Variants in ANKRD17 observed in about 807,000 individuals in gnomAD.
ANKRD17 encodes ankyrin repeat domain-containing protein 17.
Under a neutral mutation model 229.7 loss-of-function variants are expected in ANKRD17, and 19 were observed. The ratio of observed to expected loss-of-function variants is 0.08; its 90% CI spans 0.06 to 0.12. The LOEUF (loss-of-function observed/expected upper bound fraction) is 0.12, where lower values mean the gene tolerates loss of function less well. Among genes scored for constraint, ANKRD17 ranks in the 10% least tolerant of loss-of-function variants. ANKRD17 has a pLI of 1.00. For synonymous variants in ANKRD17, 1,112 were observed against 1,146.1 expected (o/e 0.97, Z 0.60); for missense variants, 2,176 against 3,176.8 (o/e 0.68, Z 7.57).
In ANKRD17 at chr4:73,118,835, A is replaced by G; in HGVS notation, c.4041T>C (p.Asp1347=). The G allele has an allele frequency of 6.2e-7, 1 of 1,611,112 alleles. No individual in the cohort carries two copies. Among genetic ancestry groups the G allele is most frequent in the Non-Finnish European group, 8.5e-7 (1 of 1,179,600 alleles). ...GAGTGTTCCCCTTCTTGTTACGTAC[A>G]TCAATATGAGCTCCCCTAAAAACCA... ...ELLIGRGAHI[D]VRNKKGNTPL... Residue 1347 remains aspartate, a synonymous_variant, in exon 22 of 34, where the codon GAT becomes GAC. Coordinates refer to ENST00000358602, the MANE Select transcript of ANKRD17 (RefSeq NM_032217.5).
Position 73,177,341 on chromosome 4 carries a change from A to G in ANKRD17, c.547+39T>C, listed in dbSNP as rs377683341. 9 of 1,433,258 alleles carry G rather than the reference A, an allele frequency of 6.3e-6. No individual in the cohort carries two copies. In the African/African-American group the frequency reaches 1.3e-4, roughly 20 times the overall value. 88.8% of individuals were successfully genotyped at this position (1,433,258 alleles called of 1,614,324 possible). On this transcript the variant is annotated intron_variant, in intron 2 of 33. Transcript: ENST00000358602. ...TTTTATTAGATTGATGTGCAACTTTACATAACAAGGTAGACTTATTACTAT... is the reference window on the plus strand; with the variant it reads ...TTTTATTAGATTGATGTGCAACTTTGCATAACAAGGTAGACTTATTACTAT...
At chr4:73,101,883 A>G (rs1180148432) in intron 25 of ANKRD17, among the ~76,000 whole-genome samples, 1 of 152,104 alleles carries the variant, frequency 6.6e-6, no homozygotes, top group Non-Finnish European at 1.5e-5. Flanking sequence ...AACTTTTCAT[A>G]ATAAAGTTAG....
At position 73,217,740 on chromosome 4, in the gene ANKRD17, T is replaced by G. The variant is rs574252056; in HGVS notation, c.394-40207A>C. On this transcript the variant is annotated intron_variant, in intron 1 of 33. Transcript: ENST00000358602. ...TCTGCATTTGACCTCGTGTGACAGA[T>G]CAATCAAAACTTTGTTTTCATGCAC... 5.4e-4 allele frequency among the ~76,000 whole-genome samples: 82 copies of G among 152,178 alleles called. 1 individual carries two copies. The South Asian group carries it at 0.016, about 29-fold the overall frequency.
At chr4:73,163,240 A>G (rs748424719) in intron 2 of ANKRD17, among the ~76,000 whole-genome samples, 6 of 152,074 alleles carry the variant, frequency 3.9e-5, no homozygotes, top group Non-Finnish European at 7.4e-5. Context: ...AGGGCCTGGC[A>G]CCTACATATT....
intron 16 of ANKRD17, among the ~76,000 whole-genome samples, chr4:73,128,201 TA>T (rs1195720291): frequency 6.6e-6 from 1 of 152,264 alleles, no homozygotes; most frequent in Non-Finnish European, 1.5e-5. Flanking sequence ...GATGGCCACA[TA>T]AGCTAACAAC....
chr4:73,241,276 C>T (rs1424380173), intron 1 of ANKRD17, among the ~76,000 whole-genome samples: 3 of 151,918 alleles, frequency 2.0e-5, no homozygotes, highest in Non-Finnish European at 4.4e-5. Flanking sequence ...GTTCCTATTC[C>T]CCTCAATGAA....
rs749502437 is a variant in ANKRD17 at position 73,125,185 on chromosome 4, C to G, written c.3346+16G>C. ...TTGACCAGTATTCCAAAAAATAAAACAAAAGTAGGCCCTACCTTTCTTGTC... is the reference window on the plus strand; with the variant it reads ...TTGACCAGTATTCCAAAAAATAAAAGAAAAGTAGGCCCTACCTTTCTTGTC... On this transcript the variant is annotated intron_variant, in intron 17 of 33. Transcript: ENST00000358602. The G allele has an allele frequency of 6.3e-7, 1 of 1,592,074 alleles. No homozygotes were observed. The highest frequency in any genetic ancestry group is 1.4e-5 in the African/African-American group (1 of 73,084).
At chr4:73,158,190 G>GAAAGAAAGAAAGAAAGAA (rs1560618018) in intron 3 of ANKRD17, among the ~76,000 whole-genome samples, 7 of 87,856 alleles carry the variant, frequency 8.0e-5, no homozygotes, top group South Asian at 4.6e-4. Flanking sequence ...GAAAGAAAGA[G>GAAAGAAAGAAAGAAAGAA]AGAGAAAGAA....
chr4:73,124,508 A>T (rs1727180396), intron 18 of ANKRD17, among the ~76,000 whole-genome samples: 1 of 152,196 alleles, frequency 6.6e-6, no homozygotes, highest in Non-Finnish European at 1.5e-5. Context: ...TTCTCAAAAC[A>T]CATAAAAATT....
intron 1 of ANKRD17, among the ~76,000 whole-genome samples, chr4:73,187,106 T>C (rs1736404232): frequency 6.6e-6 from 1 of 152,174 alleles, no homozygotes. Flanking sequence ...GACATCAGAC[T>C]TCCTAAATAC....
intron 8 of ANKRD17, 91 bp downstream of exon 8, chr4:73,148,722 T>C: frequency 8.5e-7 from 1 of 1,173,256 alleles, no homozygotes. Flanking sequence ...GCAACTCTAC[T>C]AGAAAGGTGA....
intron 1 of ANKRD17, among the ~76,000 whole-genome samples, chr4:73,249,020 G>T (rs1353662924): frequency 6.6e-6 from 1 of 152,068 alleles, no homozygotes; most frequent in African/African-American, 2.4e-5. Context: ...ACAAACAGGT[G>T]GGCTTCCTTT....
chr4:73,250,496 G>T (rs1045568100), intron 1 of ANKRD17, among the ~76,000 whole-genome samples: 1 of 146,022 alleles, frequency 6.8e-6, no homozygotes, highest in Non-Finnish European at 1.5e-5. Flanking sequence ...CAGATACTCA[G>T]GAAGGTGAGA....
chr4:73,158,413 T>C (rs192378186), intron 3 of ANKRD17, among the ~76,000 whole-genome samples: 172 of 152,358 alleles, frequency 1.1e-3, no homozygotes, highest in African/African-American at 3.7e-3. Flanking sequence ...TCATCAAATA[T>C]GCTAAATAAG....
chr4:73,091,710 G>A lies in ANKRD17; in HGVS notation c.5918C>T (p.Thr1973Ile), dbSNP rs747518292. 1.2e-6 allele frequency: 2 copies of A among 1,614,190 alleles called. No homozygotes were observed. Among genetic ancestry groups the A allele is most frequent in the Admixed American group, 1.7e-5 (1 of 60,022 alleles). ...GSLTSSPTTTTSSSASTVPGT... is the reference protein window; with the variant it reads ...GSLTSSPTTTISSSASTVPGT... ...AGGCACCGTTGAAGCTGATGAACTGGTTGTAGTTGTTGGGCTTGAAGTTAA... is the reference window on the plus strand; with the variant it reads ...AGGCACCGTTGAAGCTGATGAACTGATTGTAGTTGTTGGGCTTGAAGTTAA... The change falls in exon 29 of 34, where the codon ACC becomes ATC. Residue 1973 changes from threonine (T) to isoleucine (I), a missense_variant. This residue lies in a region of ANKRD17 where 424 missense variants were observed against 454.0 expected (regional missense o/e 0.93). Transcript: ENST00000358602.
At position 73,085,327 on chromosome 4, in the gene ANKRD17, C is replaced by T. The variant is rs757166478; in HGVS notation, c.7081G>A (p.Ala2361Thr). ...CTGTTAAAGTTAGCAGCTGCGGGTG[C>T]TCCTCCAAGGGGTGCCCCAGGTCCG... ...MYGPGAPLGG[A>T]PAAANFNRQH... The change falls in exon 30 of 34, where the codon GCA becomes ACA. Residue 2361 changes from alanine (A) to threonine (T), a missense_variant. Physicochemically the swap from Ala to Thr is moderately conservative, Grantham distance 58. Transcript: ENST00000358602. The T allele has an allele frequency of 3.1e-6, 5 of 1,614,094 alleles. No individual in the cohort carries two copies. The highest frequency in any genetic ancestry group is 1.6e-4 in the Middle Eastern group (1 of 6,062).
chr4:73,160,281 C>T (rs1218867807), intron 3 of ANKRD17, among the ~76,000 whole-genome samples: 1 of 128,960 alleles, frequency 7.8e-6, no homozygotes, highest in Non-Finnish European at 1.6e-5. Context: ...TGCAATGGCG[C>T]AATCTCGGCT....
At chr4:73,181,277 G>A (rs1380276892) in intron 1 of ANKRD17, among the ~76,000 whole-genome samples, 2 of 152,104 alleles carry the variant, frequency 1.3e-5, no homozygotes, top group African/African-American at 4.8e-5. Context: ...TTAATACTAT[G>A]GGAGATAAAG....
chr4:73,089,014 A>G (rs1246712360), intron 29 of ANKRD17, among the ~76,000 whole-genome samples: 1 of 151,664 alleles, frequency 6.6e-6, no homozygotes, highest in Admixed American at 6.6e-5. Context: ...TTAAAATTTC[A>G]TATTTTGTGT....
Sources: gnomAD v4.1 joint callset for allele counts (sites outside exome capture counted in the v4.1 genomes callset) on GRCh38, gnomAD v4.1.1 for gene constraint, gnomAD v4.1.1 regional missense constraint, MANE v1.5 for transcripts, NCBI Gene and HGNC (gene_info 2026-07-23, HGNC 2026-07-21) for gene names.